POU6F2: variants seen among roughly 807,000 people sequenced by gnomAD.
POU6F2 encodes POU class 6 homeobox 2.
A neutral mutation model predicts 71.3 loss-of-function variants in POU6F2; 31 were observed. The observed-to-expected ratio is 0.43, with a 90% CI of 0.33 to 0.59. The LOEUF (loss-of-function observed/expected upper bound fraction) is 0.59. Among genes scored for constraint, POU6F2 ranks in the 20% least tolerant of loss-of-function variants. POU6F2 has a pLI of 0.04. For synonymous variants in POU6F2, 347 were observed against 355.7 expected (o/e 0.98, Z 0.27); for missense variants, 783 against 856.8 (o/e 0.91, Z 1.07).
intron 2 of POU6F2, among the ~76,000 whole-genome samples, chr7:39,115,999 C>T (rs1791920268): frequency 6.6e-6 from 1 of 152,160 alleles, no homozygotes; most frequent in South Asian, 2.1e-4. Flanking sequence ...CACTGTCCTA[C>T]AGAGGATTTG....
chr7:39,018,615 G>C (rs1170757698), intron 1 of POU6F2, among the ~76,000 whole-genome samples: 1 of 152,078 alleles, frequency 6.6e-6, no homozygotes, highest in African/African-American at 2.4e-5. Flanking sequence ...GAATCACATA[G>C]GGGATTGTGA....
At chr7:39,030,543 T>TATATATATATATATATATATATAC (rs1491146903) in intron 1 of POU6F2, among the ~76,000 whole-genome samples, 1 of 88,018 alleles carries the variant, frequency 1.1e-5, no homozygotes, top group Non-Finnish European at 2.3e-5. Flanking sequence ...TATATATATA[T>TATATATATATATATATATATATAC]ACACACACAT....
intron 2 of POU6F2, among the ~76,000 whole-genome samples, chr7:39,131,473 T>C (rs1033663055): frequency 2.0e-5 from 3 of 152,232 alleles, no homozygotes; most frequent in Non-Finnish European, 4.4e-5. Flanking sequence ...TGGTCCTCGC[T>C]GCCATCAAGG....
chr7:39,094,566 T>A (rs1791418164), intron 2 of POU6F2, among the ~76,000 whole-genome samples: 1 of 152,126 alleles, frequency 6.6e-6, no homozygotes, highest in Non-Finnish European at 1.5e-5. Flanking sequence ...TTACTATTAA[T>A]GTGGTATTAT....
At chr7:39,145,355 G>A (rs1792597834) in intron 2 of POU6F2, among the ~76,000 whole-genome samples, 1 of 152,140 alleles carries the variant, frequency 6.6e-6, no homozygotes, top group Admixed American at 6.5e-5. Flanking sequence ...ATGTTTATGA[G>A]AGAGAGAGAA....
At chr7:39,312,600 C>T (rs1785186854) in intron 4 of POU6F2, among the ~76,000 whole-genome samples, 1 of 152,168 alleles carries the variant, frequency 6.6e-6, no homozygotes, top group Admixed American at 6.5e-5. Context: ...CTATGTTTTC[C>T]CTTATTAAGT....
chr7:39,444,405 G>A (rs1262133033), intron 7 of POU6F2, among the ~76,000 whole-genome samples: 1 of 152,230 alleles, frequency 6.6e-6, no homozygotes. Context: ...GTAACATGGT[G>A]AAACCCCGTC....
chr7:39,102,167 C>T (rs564978614), intron 2 of POU6F2, among the ~76,000 whole-genome samples: 10 of 152,284 alleles, frequency 6.6e-5, no homozygotes, highest in Non-Finnish European at 1.2e-4. Flanking sequence ...AATATCTTGA[C>T]GTGCTGTCTA....
chr7:39,423,434 C>T (rs1166242505), intron 6 of POU6F2, among the ~76,000 whole-genome samples: 2 of 152,112 alleles, frequency 1.3e-5, no homozygotes, highest in Non-Finnish European at 2.9e-5. Flanking sequence ...ATGCCCTGCC[C>T]CCATGCCAGG....
chr7:39,444,152 A>T (rs1268838631), intron 7 of POU6F2, among the ~76,000 whole-genome samples: 1 of 152,168 alleles, frequency 6.6e-6, no homozygotes, highest in African/African-American at 2.4e-5. Context: ...ATGAGAGAAG[A>T]ACATGCAAAG....
chr7:39,018,673 A>C (rs556702930), intron 1 of POU6F2, among the ~76,000 whole-genome samples: 129 of 152,278 alleles, frequency 8.5e-4, no homozygotes, highest in African/African-American at 2.9e-3. Flanking sequence ...TGAATCTAAA[A>C]ATTTTAAAAA....
At chr7:39,427,622 C>T (rs983096495) in intron 6 of POU6F2, among the ~76,000 whole-genome samples, 15 of 152,002 alleles carry the variant, frequency 9.9e-5, no homozygotes, top group Admixed American at 5.9e-4. Context: ...ATGATGCTAG[C>T]GTTAACAAAA....
At chr7:39,298,043 C>T (rs4723846) in intron 4 of POU6F2, among the ~76,000 whole-genome samples, 69,501 of 151,870 alleles carry the variant, frequency 0.46, 16,714 homozygotes, top group Admixed American at 0.59. Context: ...TCCAAAAAAA[C>T]CCAAAACCAT....
intron 5 of POU6F2, among the ~76,000 whole-genome samples, chr7:39,391,327 TTA>T (rs1787071359): frequency 6.6e-6 from 1 of 152,142 alleles, no homozygotes; most frequent in Non-Finnish European, 1.5e-5. Context: ...TATATAATAA[TTA>T]TATGATCACC....
chr7:39,377,930 T>G (rs1450452526), intron 5 of POU6F2, among the ~76,000 whole-genome samples: 2 of 152,194 alleles, frequency 1.3e-5, no homozygotes, highest in African/African-American at 4.8e-5. Context: ...AGAGGAACTT[T>G]TCCTTCTCCT....
chr7:39,116,930 G>C (rs375890481), intron 2 of POU6F2, among the ~76,000 whole-genome samples: 1 of 152,096 alleles, frequency 6.6e-6, no homozygotes, highest in Non-Finnish European at 1.5e-5. Context: ...CAGGCACTAG[G>C]AAGTTCAGGG....
At chr7:39,084,860 C>T (rs1039306967) in intron 1 of POU6F2, among the ~76,000 whole-genome samples, 4 of 152,078 alleles carry the variant, frequency 2.6e-5, no homozygotes, top group East Asian at 1.9e-4. Flanking sequence ...TCCCAGATCT[C>T]GCAAAAAGGG....
At chr7:39,140,763 G>A (rs1219206366) in intron 2 of POU6F2, among the ~76,000 whole-genome samples, 2 of 152,136 alleles carry the variant, frequency 1.3e-5, no homozygotes, top group South Asian at 2.1e-4. Context: ...TCTGTGGGGC[G>A]CTATTCTGCC....
intron 5 of POU6F2, among the ~76,000 whole-genome samples, chr7:39,360,899 T>C (rs926461345): frequency 6.6e-6 from 1 of 152,098 alleles, no homozygotes; most frequent in Non-Finnish European, 1.5e-5. Context: ...GCAATCTTGG[T>C]TTTGGTGGGT....
Sources: allele counts gnomAD v4.1 joint callset (sites outside exome capture counted in the v4.1 genomes callset), GRCh38; gene constraint gnomAD v4.1.1; transcripts MANE v1.5; gene names NCBI Gene and HGNC (gene_info 2026-07-23, HGNC 2026-07-21).